Variants in FRMD5 observed in about 807,000 individuals in gnomAD.
FRMD5 encodes FERM domain containing 5.
A neutral mutation model predicts 69.0 loss-of-function variants in FRMD5; 20 were observed. The observed-to-expected ratio is 0.29, with a 90% CI of 0.20 to 0.42. FRMD5 has a LOEUF of 0.42. Ranked by LOEUF, FRMD5 falls within the 10% of genes least tolerant of loss-of-function variation. FRMD5 has a pLI of 1.00. For synonymous variants in FRMD5, 271 were observed against 260.1 expected (o/e 1.04, Z -0.40); for missense variants, 595 against 708.6 (o/e 0.84, Z 1.82).
chr15:44,173,362 C>A (rs1481901362), intron 1 of FRMD5, among the ~76,000 whole-genome samples: 1 of 151,930 alleles, frequency 6.6e-6, no homozygotes, highest in East Asian at 1.9e-4. Context: ...AGCTAGTTCT[C>A]CTAATAGACA....
chr15:43,946,389 A>G (rs1391173933), intron 1 of FRMD5, among the ~76,000 whole-genome samples: 1 of 152,212 alleles, frequency 6.6e-6, no homozygotes, highest in African/African-American at 2.4e-5. Context: ...TAGGCTGGAA[A>G]GGGATATCGT....
rs150833799 is a variant in FRMD5, at chr15:43,919,732, G to T, written c.250+35C>A. 2.4e-4 allele frequency: 381 copies of T among 1,603,886 alleles called. 2 individuals are homozygous for T. The African/African-American group carries it at 4.8e-3, about 20-fold the overall frequency. On this transcript the variant is annotated intron_variant, in intron 3 of 13. Coordinates refer to ENST00000417257, the MANE Select transcript of FRMD5 (RefSeq NM_032892.5). ...GAGGTTTCGTCCCACCCTCCCCAGG[G>T]GTGTGGCTTGAGTCTTTTCATGGAG...
intron 12 of FRMD5, among the ~76,000 whole-genome samples, chr15:43,884,176 G>C (rs1820850996): frequency 6.6e-6 from 1 of 152,166 alleles, no homozygotes. Context: ...AATAGAGGCT[G>C]CTGATGACAG....
chr15:44,166,418 A>AT (rs985126494), intron 1 of FRMD5, among the ~76,000 whole-genome samples: 3 of 152,100 alleles, frequency 2.0e-5, no homozygotes, highest in African/African-American at 7.2e-5. Flanking sequence ...ACATAAAGAG[A>AT]TTTTTAATTT....
intron 1 of FRMD5, among the ~76,000 whole-genome samples, chr15:43,999,879 TACAC>T (rs1433205220): frequency 1.1e-4 from 5 of 43,512 alleles, no homozygotes; most frequent in Non-Finnish European, 3.2e-4. Flanking sequence ...GATATACAGA[TACAC>T]ACATACATGA....
intron 7 of FRMD5, among the ~76,000 whole-genome samples, chr15:43,893,097 C>A (rs2088830645): frequency 6.7e-6 from 1 of 149,908 alleles, no homozygotes; most frequent in Admixed American, 6.6e-5. Context: ...GAGTGAGACT[C>A]CATCTCAAAA....
intron 1 of FRMD5, among the ~76,000 whole-genome samples, chr15:44,000,457 C>T (rs1375191412): frequency 2.7e-5 from 4 of 150,464 alleles, no homozygotes; most frequent in Non-Finnish European, 5.9e-5. Context: ...CATGGTAGTT[C>T]TATTTTTTTT....
intron 7 of FRMD5, 173 bp downstream of exon 7, chr15:43,902,002 T>C: frequency 1.6e-6 from 1 of 608,150 alleles, no homozygotes; most frequent in Non-Finnish European, 2.9e-6. Context: ...CACAAAATTA[T>C]GTAGCATGTG....
At chr15:43,878,072 G>A (rs1281737383) in intron 13 of FRMD5, among the ~76,000 whole-genome samples, 4 of 151,994 alleles carry the variant, frequency 2.6e-5, no homozygotes, top group East Asian at 1.9e-4. Flanking sequence ...GTACAATCAC[G>A]GCTCACTGCA....
intron 13 of FRMD5, among the ~76,000 whole-genome samples, chr15:43,882,288 G>A (rs1410243703): frequency 3.3e-5 from 5 of 152,166 alleles, no homozygotes; most frequent in African/African-American, 1.2e-4. Context: ...AAGGAAGGGA[G>A]TCTGGAGGGA....
chr15:44,192,076 C>T (rs1355771339), intron 1 of FRMD5, among the ~76,000 whole-genome samples: 1 of 151,762 alleles, frequency 6.6e-6, no homozygotes, highest in African/African-American at 2.4e-5. Flanking sequence ...TACTACAACC[C>T]TCCTATGTAT....
intron 1 of FRMD5, among the ~76,000 whole-genome samples, chr15:44,121,367 A>G (rs1015686922): frequency 6.6e-6 from 1 of 152,078 alleles, no homozygotes; most frequent in African/African-American, 2.4e-5. Context: ...GAGATTGGCT[A>G]TGGAAGAGAA....
At chr15:44,185,402 T>C (rs2078082275) in intron 1 of FRMD5, among the ~76,000 whole-genome samples, 1 of 152,234 alleles carries the variant, frequency 6.6e-6, no homozygotes, top group South Asian at 2.1e-4. Flanking sequence ...GCAGGCTTAA[T>C]ATGCCTTATA....
chr15:44,049,000 TAA>T (rs1021558034), intron 1 of FRMD5, among the ~76,000 whole-genome samples: 2 of 152,220 alleles, frequency 1.3e-5, no homozygotes, highest in African/African-American at 4.8e-5. Context: ...CCTACAGATT[TAA>T]AAGTTGGGTC....
chr15:44,119,309 A>T (rs1186580921), intron 1 of FRMD5, among the ~76,000 whole-genome samples: 1 of 152,122 alleles, frequency 6.6e-6, no homozygotes, highest in Non-Finnish European at 1.5e-5. Context: ...TTTATAAGAA[A>T]ACAGCACCTT....
intron 1 of FRMD5, among the ~76,000 whole-genome samples, chr15:43,947,704 C>T (rs2089968083): frequency 1.3e-5 from 2 of 152,092 alleles, no homozygotes; most frequent in African/African-American, 4.8e-5. Flanking sequence ...CACAGGTGCA[C>T]TTTATATCAG....
At chr15:44,121,316 A>G (rs1346063175) in intron 1 of FRMD5, among the ~76,000 whole-genome samples, 2 of 151,922 alleles carry the variant, frequency 1.3e-5, no homozygotes, top group Non-Finnish European at 2.9e-5. Context: ...TGTGAAGGGA[A>G]TAAATGCCAA....
At chr15:43,920,298 T>C (rs1566836335) in intron 2 of FRMD5, among the ~76,000 whole-genome samples, 1 of 152,202 alleles carries the variant, frequency 6.6e-6, no homozygotes. Context: ...AGTGGAAATT[T>C]CCTAAGTCAG....
At chr15:43,955,735 T>C (rs981735257) in intron 1 of FRMD5, among the ~76,000 whole-genome samples, 6 of 152,180 alleles carry the variant, frequency 3.9e-5, no homozygotes, top group Non-Finnish European at 8.8e-5. Flanking sequence ...GAACAAATTA[T>C]TCTTCTATAT....
Sources: gnomAD v4.1 joint callset for allele counts (sites outside exome capture counted in the v4.1 genomes callset) on GRCh38, gnomAD v4.1.1 for gene constraint, MANE v1.5 for transcripts, NCBI Gene and HGNC (gene_info 2026-07-23, HGNC 2026-07-21) for gene names.